THSD7B: variants seen among roughly 807,000 people sequenced by gnomAD.
THSD7B encodes the protein thrombospondin type 1 domain containing 7B.
Under a neutral mutation model 213.6 loss-of-function variants are expected in THSD7B, and 138 were observed. The observed-to-expected ratio is 0.65, with a 90% CI of 0.56 to 0.74. The LOEUF is 0.74. Among genes scored for constraint, THSD7B ranks in the 30% least tolerant of loss-of-function variants. The pLI is 0.00. For missense variants in THSD7B, 1,931 were observed against 1,991.5 expected, an observed-to-expected ratio of 0.97 and a Z score of 0.58; for synonymous variants, 742 against 687.0, an observed-to-expected ratio of 1.08 and a Z score of -1.25.
At chr2:137,326,342 A>G (rs1268499589) in intron 12 of THSD7B, among the ~76,000 whole-genome samples, 1 of 152,172 alleles carries the variant, frequency 6.6e-6, no homozygotes, top group East Asian at 1.9e-4. Flanking sequence ...TGTAGTTGAT[A>G]CTCAGTGTAG....
intron 2 of THSD7B, among the ~76,000 whole-genome samples, chr2:137,004,180 G>C (rs1573761162): frequency 6.6e-6 from 1 of 152,034 alleles, no homozygotes; most frequent in Admixed American, 6.6e-5. Flanking sequence ...TTATATGAGG[G>C]CACAAAGATG....
At chr2:136,946,001 T>C (rs1267851437) in intron 2 of THSD7B, among the ~76,000 whole-genome samples, 1 of 152,216 alleles carries the variant, frequency 6.6e-6, no homozygotes, top group Non-Finnish European at 1.5e-5. Flanking sequence ...TTTGTTTTGT[T>C]GCTGGCAAGG....
At chr2:137,138,207 A>AT (rs749191801) in intron 5 of THSD7B, among the ~76,000 whole-genome samples, 4 of 152,106 alleles carry the variant, frequency 2.6e-5, no homozygotes, top group Non-Finnish European at 5.9e-5. Context: ...AATATGAAGG[A>AT]TTTTTTTGTG....
chr2:137,329,369 C>T (rs143378291), intron 12 of THSD7B, among the ~76,000 whole-genome samples: 1 of 152,068 alleles, frequency 6.6e-6, no homozygotes, highest in African/African-American at 2.4e-5. Flanking sequence ...GAAGAAATTT[C>T]TTTGTTTGTT....
At chr2:137,611,148 A>T (rs1682282552) in intron 17 of THSD7B, among the ~76,000 whole-genome samples, 1 of 151,870 alleles carries the variant, frequency 6.6e-6, no homozygotes, top group African/African-American at 2.4e-5. Context: ...TTTTGATAAG[A>T]ATTTATCATT....
intron 6 of THSD7B, among the ~76,000 whole-genome samples, chr2:137,167,587 A>G (rs1039892668): frequency 3.3e-5 from 5 of 152,148 alleles, no homozygotes; most frequent in Admixed American, 1.3e-4. Context: ...CATGGCTTCA[A>G]TTAAAAAACA....
At chr2:137,211,338 A>ACACACACACACACACACACAGAGG (rs1681100321) in intron 7 of THSD7B, among the ~76,000 whole-genome samples, 1 of 103,046 alleles carries the variant, frequency 9.7e-6, no homozygotes, top group African/African-American at 3.5e-5. Context: ...TCCTACACAC[A>ACACACACACACACACACACAGAGG]CACACACACA....
Position 137,533,004 on chromosome 2 carries a change from A to G in THSD7B, c.3139-30217A>G, listed in dbSNP as rs1680428401. 7.9e-5 allele frequency among the ~76,000 whole-genome samples: 12 copies of G among 151,096 alleles called. No individual in the cohort carries two copies. In the South Asian group the frequency reaches 2.5e-3, roughly 31 times the overall value. ...ACATTCTGTCTGTATCTATGTATCT[A>G]TGTAATATTCCTTATGTGATATGTA... is the stretch of plus-strand genomic sequence containing the variant. On this transcript the variant is annotated intron_variant, in intron 15 of 27. Coordinates refer to ENST00000409968, the MANE Select transcript of THSD7B (RefSeq NM_001316349.2).
chr2:137,365,371 A>G (rs898539146), intron 12 of THSD7B, among the ~76,000 whole-genome samples: 3 of 152,250 alleles, frequency 2.0e-5, no homozygotes, highest in Admixed American at 2.0e-4. Context: ...CAATGGCAAC[A>G]AAAGCCAAAA....
chr2:137,400,741 T>C (rs1686335056), intron 12 of THSD7B, among the ~76,000 whole-genome samples: 1 of 152,174 alleles, frequency 6.6e-6, no homozygotes. Context: ...GCTGCAGTGA[T>C]AGTGGTAGGA....
At chr2:137,076,942 A>T (rs1293103628) in intron 3 of THSD7B, among the ~76,000 whole-genome samples, 2 of 151,680 alleles carry the variant, frequency 1.3e-5, no homozygotes, top group East Asian at 3.9e-4. Context: ...GTCATTTAAC[A>T]TTAGGTATAT....
chr2:137,231,187 G>A lies in THSD7B; in HGVS notation c.1867G>A (p.Asp623Asn), dbSNP rs775620697. 5.5e-5 allele frequency: 89 copies of A among 1,613,168 alleles called. No homozygotes were observed. The highest frequency in any genetic ancestry group is 6.7e-5 in the Non-Finnish European group (79 of 1,179,592). The stretch of plus-strand genomic sequence containing the variant: ...CCAGTCCTGTTCAAATAAAAACTCA[G>A]ATGGGAAACAGACCAGGTCAAGAAC... ...CSQSCSNKNSDGKQTRSRTIL... is the reference protein window; with the variant it reads ...CSQSCSNKNSNGKQTRSRTIL... Residue 623 changes from aspartate (D) to asparagine (N), a missense_variant, in exon 8 of 28, where the codon GAT becomes AAT. Transcript: ENST00000409968.
At chr2:137,663,037 C>G (rs1040054269) in intron 25 of THSD7B, among the ~76,000 whole-genome samples, 2 of 146,484 alleles carry the variant, frequency 1.4e-5, no homozygotes, top group African/African-American at 5.1e-5. Context: ...TGTACTCCAG[C>G]ATCAGCAACA....
At chr2:136,987,692 C>T (rs1028782758) in intron 2 of THSD7B, among the ~76,000 whole-genome samples, 3 of 152,130 alleles carry the variant, frequency 2.0e-5, no homozygotes, top group African/African-American at 4.8e-5. Context: ...ATTATCCCCT[C>T]GATATTTCAT....
intron 1 of THSD7B, among the ~76,000 whole-genome samples, chr2:136,767,606 T>A (rs1433306026): frequency 6.6e-6 from 1 of 152,184 alleles, no homozygotes; most frequent in African/African-American, 2.4e-5. Context: ...TGTAACAATA[T>A]ACACAGATAC....
chr2:136,939,296 A>G (rs900319810), intron 2 of THSD7B, among the ~76,000 whole-genome samples: 1 of 152,046 alleles, frequency 6.6e-6, no homozygotes, highest in Admixed American at 6.6e-5. Context: ...AACATCTTCC[A>G]AGTTATTCTC....
In THSD7B at chr2:136,890,541, C is replaced by CTTCT. The variant is rs1553455915; in HGVS notation, c.139+8226_139+8227insCTTT. Among the ~76,000 whole-genome samples, 3 of 49,868 alleles carry CTTCT rather than the reference C, an allele frequency of 6.0e-5. 1 individual carries two copies. Among genetic ancestry groups the CTTCT allele is most frequent in the African/African-American group, 2.5e-4 (3 of 12,140 alleles). 32.7% of individuals were successfully genotyped at this position (49,868 alleles called of 152,430 possible). On this transcript the variant is annotated intron_variant, in intron 2 of 27. Coordinates refer to ENST00000409968, the MANE Select transcript of THSD7B (RefSeq NM_001316349.2). ...CTTTCTTCTTCTTCTTCTTCTTCTT[C>CTTCT]TTTTTTTTTTTTTTTTAAGACGGAG...
intron 1 of THSD7B, among the ~76,000 whole-genome samples, chr2:136,772,561 C>T (rs1681526606): frequency 6.6e-6 from 1 of 152,216 alleles, no homozygotes; most frequent in African/African-American, 2.4e-5. Context: ...ACAGAACTGT[C>T]CTGCCAACTA....
intron 7 of THSD7B, among the ~76,000 whole-genome samples, chr2:137,226,237 C>T (rs141500928): frequency 6.6e-6 from 1 of 151,838 alleles, no homozygotes; most frequent in East Asian, 1.9e-4. Context: ...ATAAAGTACC[C>T]AGTATGCATT....
Sources: gnomAD v4.1 joint callset for allele counts (sites outside exome capture counted in the v4.1 genomes callset) on GRCh38, gnomAD v4.1.1 for gene constraint, MANE v1.5 for transcripts, NCBI Gene and HGNC (gene_info 2026-07-23, HGNC 2026-07-21) for gene names.